Variants in ASPRV1 observed in about 807,000 individuals in gnomAD.
ASPRV1 encodes retroviral-like aspartic protease 1.
Under a neutral mutation model 11.0 loss-of-function variants are expected in ASPRV1, and 7 were observed. That is an observed-to-expected ratio of 0.64 (90% CI 0.36 to 1.20). The LOEUF is 1.20. ASPRV1 is among the 50% of genes most tolerant of loss of function. The pLI is 0.02. For missense variants in ASPRV1, 299 were observed against 320.0 expected (o/e 0.93, Z 0.50); for synonymous variants, 136 against 138.4 (o/e 0.98, Z 0.12).
chr2:69,996,572 T>C, the ASPRV1 span: 11 of 390,194 alleles, frequency 2.8e-5, no homozygotes, highest in Non-Finnish European at 4.6e-5. Context: ...AACAACAAAA[T>C]GAATAATTTA....
the ASPRV1 span, among the ~76,000 whole-genome samples, chr2:70,078,849 C>A: frequency 6.6e-6 from 1 of 152,158 alleles, no homozygotes; most frequent in East Asian, 1.9e-4. Context: ...TTATTCTGGT[C>A]ACTGTTAAAA....
At chr2:69,933,207 A>G in the ASPRV1 span, among the ~76,000 whole-genome samples, 20 of 147,984 alleles carry the variant, frequency 1.4e-4, no homozygotes, top group African/African-American at 5.1e-4. Context: ...TCTCAAAAAA[A>G]AAAAAAAAAA....
the ASPRV1 span, chr2:70,049,119 T>A: frequency 1.3e-5 from 2 of 151,518 alleles, no homozygotes; most frequent in African/African-American, 4.8e-5. Context: ...ACATGTGCCA[T>A]GCTGGTGTGC....
chr2:70,083,851 A>T, the ASPRV1 span, among the ~76,000 whole-genome samples: 1 of 152,198 alleles, frequency 6.6e-6, no homozygotes, highest in Admixed American at 6.5e-5. Flanking sequence ...TAAAAGGGAG[A>T]ACTGAAACCC....
At chr2:69,986,984 G>A in the ASPRV1 span, among the ~76,000 whole-genome samples, 85 of 152,308 alleles carry the variant, frequency 5.6e-4, no homozygotes, top group African/African-American at 2.0e-3. Flanking sequence ...AGGGGGCTTA[G>A]AACTGTGGAG....
chr2:70,053,508 A>C, the ASPRV1 span, among the ~76,000 whole-genome samples: 3 of 152,176 alleles, frequency 2.0e-5, no homozygotes, highest in East Asian at 5.8e-4. Context: ...CACTATTGAC[A>C]AAAAAAGTAA....
At chr2:69,990,001 C>A in the ASPRV1 span, among the ~76,000 whole-genome samples, 1 of 152,212 alleles carries the variant, frequency 6.6e-6, no homozygotes, top group East Asian at 1.9e-4. Context: ...TCATTTAACT[C>A]TTTTAACCCT....
At chr2:70,007,538 T>A in the ASPRV1 span, among the ~76,000 whole-genome samples, 1 of 151,774 alleles carries the variant, frequency 6.6e-6, no homozygotes, top group African/African-American at 2.4e-5. Flanking sequence ...AAGAACTATA[T>A]CTACTTAAAT....
At chr2:70,005,248 C>T in the ASPRV1 span, among the ~76,000 whole-genome samples, 367 of 152,116 alleles carry the variant, frequency 2.4e-3, 2 homozygotes, top group Admixed American at 4.8e-3. Context: ...TTTGTGGAGA[C>T]GGGGTTTCCC....
the ASPRV1 span, among the ~76,000 whole-genome samples, chr2:69,989,952 T>C: frequency 6.6e-6 from 1 of 152,268 alleles, no homozygotes; most frequent in African/African-American, 2.4e-5. Flanking sequence ...ATCCAGCACA[T>C]GGCCCTTGCC....
chr2:70,051,603 C>T, the ASPRV1 span, among the ~76,000 whole-genome samples: 2 of 152,150 alleles, frequency 1.3e-5, no homozygotes, highest in African/African-American at 4.8e-5. Flanking sequence ...CCAACAAATT[C>T]ATTCACTCAA....
the ASPRV1 span, among the ~76,000 whole-genome samples, chr2:70,072,893 A>C: frequency 3.4e-5 from 5 of 145,040 alleles, no homozygotes; most frequent in African/African-American, 1.3e-4. Context: ...CTCTATAAAA[A>C]ACTAAAAAAA....
chr2:70,070,810 G>GAAAAAAAAAAAAAAAAAAAAAAAAAAAA, the ASPRV1 span: 2 of 143,940 alleles, frequency 1.4e-5, no homozygotes, highest in African/African-American at 2.7e-5. Context: ...AAAAAAAAAG[G>GAAAAAAAAAAAAAAAAAAAAAAAAAAAA]AAATGTCCCA....
chr2:70,063,671 T>C, the ASPRV1 span, among the ~76,000 whole-genome samples: 1 of 152,132 alleles, frequency 6.6e-6, no homozygotes, highest in Non-Finnish European at 1.5e-5. Context: ...AAAGTTAAGG[T>C]AGGATTTCTG....
At chr2:70,067,970 C>T in the ASPRV1 span, among the ~76,000 whole-genome samples, 1 of 152,234 alleles carries the variant, frequency 6.6e-6, no homozygotes, top group African/African-American at 2.4e-5. Context: ...CTCTGTCCTT[C>T]CCATCCTCCA....
chr2:69,978,419 A>T, the ASPRV1 span, among the ~76,000 whole-genome samples: 3 of 152,158 alleles, frequency 2.0e-5, no homozygotes, highest in East Asian at 5.8e-4. Flanking sequence ...CTCACCCACT[A>T]GGCCACCTTA....
the ASPRV1 span, chr2:69,988,562 G>C: frequency 8.8e-6 from 3 of 342,088 alleles, no homozygotes; most frequent in Non-Finnish European, 1.7e-5. Context: ...TGGGTAGAGA[G>C]TTTCAGTGTG....
the ASPRV1 span, among the ~76,000 whole-genome samples, chr2:70,059,248 T>C: frequency 1.3e-5 from 2 of 149,714 alleles, no homozygotes; most frequent in East Asian, 1.9e-4. Context: ...AGTCTGCTGA[T>C]TGGTTTTCTT....
At chr2:70,054,451 G>T in the ASPRV1 span, among the ~76,000 whole-genome samples, 5 of 150,542 alleles carry the variant, frequency 3.3e-5, no homozygotes, top group Admixed American at 2.7e-4. Context: ...GCGGTGGCAG[G>T]CGCCTGTAGT....
Sources: allele counts gnomAD v4.1 joint callset (sites outside exome capture counted in the v4.1 genomes callset), GRCh38; gene constraint gnomAD v4.1.1; transcripts MANE v1.5; gene names NCBI Gene and HGNC (gene_info 2026-07-23, HGNC 2026-07-21).